Variants in CAMSAP1 observed in about 807,000 individuals in gnomAD.
The protein encoded by CAMSAP1 is calmodulin-regulated spectrin-associated protein 1.
CAMSAP1 carries 58 observed loss-of-function variants against 143.5 expected under a neutral mutation model. That is an observed-to-expected ratio of 0.40 (90% CI 0.33 to 0.50). The LOEUF (loss-of-function observed/expected upper bound fraction) is 0.50. Ranked by LOEUF, CAMSAP1 falls within the 20% of genes least tolerant of loss-of-function variation. The pLI, the probability that CAMSAP1 is intolerant of heterozygous loss-of-function variation, is 0.45. For synonymous variants in CAMSAP1, 945 were observed against 859.3 expected, an observed-to-expected ratio of 1.10 and a Z score of -1.74; for missense variants, 1,969 against 2,115.7, an observed-to-expected ratio of 0.93 and a Z score of 1.36.
Position 135,818,124 on chromosome 9 carries a change from C to T in CAMSAP1, c.4169-45G>A, listed in dbSNP as rs1481994123. The T allele has an allele frequency of 6.3e-7, 1 of 1,581,146 alleles. No homozygotes were observed. The highest frequency in any genetic ancestry group is 1.3e-5 in the African/African-American group (1 of 74,502). ...ACGACGGTTCATGAACGGATTCCGA[C>T]AGACAAGTACCTGTCCCCTGTACCT... On this transcript the variant is annotated intron_variant, in intron 13 of 16. Coordinates refer to ENST00000389532, the MANE Select transcript of CAMSAP1 (RefSeq NM_015447.4). The surrounding 1 kb of genome is among the most constrained non-coding windows in gnomAD (Gnocchi z 7.7).
At chr9:135,851,033 G>T (rs1370451669) in intron 5 of CAMSAP1, among the ~76,000 whole-genome samples, 4 of 152,186 alleles carry the variant, frequency 2.6e-5, no homozygotes, top group Non-Finnish European at 4.4e-5. Flanking sequence ...ACTTTCCATT[G>T]CACGTGACTT....
chr9:135,904,166 G>A (rs1028066990), intron 1 of CAMSAP1, among the ~76,000 whole-genome samples: 2 of 152,030 alleles, frequency 1.3e-5, no homozygotes, highest in African/African-American at 2.4e-5. Flanking sequence ...CCAGGAGTTC[G>A]AAACTAGCCT....
At chr9:135,884,992 C>T (rs894388049) in intron 1 of CAMSAP1, among the ~76,000 whole-genome samples, 1 of 152,120 alleles carries the variant, frequency 6.6e-6, no homozygotes, top group Non-Finnish European at 1.5e-5. Context: ...ACACCGGCTG[C>T]GGGGAAAGAT....
At chr9:135,872,456 C>T (rs541806198) in intron 3 of CAMSAP1, among the ~76,000 whole-genome samples, 1 of 152,020 alleles carries the variant, frequency 6.6e-6, no homozygotes, top group Admixed American at 6.5e-5. Flanking sequence ...CAAAATAACC[C>T]TTAAAAGAGG....
chr9:135,877,644 T>TA (rs201018569), intron 3 of CAMSAP1, among the ~76,000 whole-genome samples: 104 of 151,970 alleles, frequency 6.8e-4, no homozygotes, highest in Middle Eastern at 3.4e-3. Context: ...CATCTCTAAT[T>TA]AAAAAAAATT....
chr9:135,876,536 G>T (rs1476323113), intron 3 of CAMSAP1, among the ~76,000 whole-genome samples: 2 of 152,168 alleles, frequency 1.3e-5, no homozygotes, highest in Admixed American at 1.3e-4. Flanking sequence ...AGAAAAGACG[G>T]ACTGTAACAA....
At chr9:135,823,634 A>G (rs1020665465) in intron 10 of CAMSAP1, among the ~76,000 whole-genome samples, 113 of 152,218 alleles carry the variant, frequency 7.4e-4, no homozygotes, top group African/African-American at 2.7e-3. Flanking sequence ...CCAGAACGGA[A>G]GAAGTTCCTA....
intron 7 of CAMSAP1, among the ~76,000 whole-genome samples, chr9:135,846,526 A>C (rs1427968488): frequency 6.6e-6 from 1 of 152,170 alleles, no homozygotes; most frequent in Non-Finnish European, 1.5e-5. Flanking sequence ...CAAAACTGAC[A>C]AATGGATCTA....
At chr9:135,857,983 T>TCA (rs1837038220) in intron 5 of CAMSAP1, among the ~76,000 whole-genome samples, 1 of 152,148 alleles carries the variant, frequency 6.6e-6, no homozygotes, top group Admixed American at 6.5e-5. Context: ...GAGAAAGGCA[T>TCA]CAGAAGCAAA....
chr9:135,812,159 C>T (rs1387574704), intron 16 of CAMSAP1, among the ~76,000 whole-genome samples: 1 of 152,232 alleles, frequency 6.6e-6, no homozygotes, highest in Non-Finnish European at 1.5e-5. Context: ...AATAACAGCA[C>T]TATCCCTTCA....
At chr9:135,873,578 G>A (rs547528280) in intron 3 of CAMSAP1, among the ~76,000 whole-genome samples, 252 of 152,078 alleles carry the variant, frequency 1.7e-3, no homozygotes, top group Middle Eastern at 3.4e-3. Flanking sequence ...GCCAACCTCA[G>A]GAAACAAACA....
At chr9:135,844,499 G>C (rs1836479644) in intron 7 of CAMSAP1, among the ~76,000 whole-genome samples, 1 of 152,166 alleles carries the variant, frequency 6.6e-6, no homozygotes, top group Admixed American at 6.5e-5. Flanking sequence ...ACAGAAAGCT[G>C]GAAAGATCTG....
chr9:135,887,742 G>A (rs538359411), intron 1 of CAMSAP1, among the ~76,000 whole-genome samples: 3 of 152,316 alleles, frequency 2.0e-5, no homozygotes, highest in Admixed American at 6.5e-5. Flanking sequence ...TGGAGGAAGT[G>A]GGGAGAAGTG....
intron 7 of CAMSAP1, among the ~76,000 whole-genome samples, chr9:135,844,048 G>C (rs767577128): frequency 2.6e-5 from 4 of 151,950 alleles, no homozygotes; most frequent in Non-Finnish European, 5.9e-5. Flanking sequence ...GACAGATCGG[G>C]ACAGAAAATT....
At chr9:135,855,887 C>G (rs889719289) in intron 5 of CAMSAP1, among the ~76,000 whole-genome samples, 3 of 151,652 alleles carry the variant, frequency 2.0e-5, no homozygotes, top group Non-Finnish European at 4.4e-5. Flanking sequence ...CCTGTCTCTA[C>G]TAAAAATACA....
chr9:135,901,376 T>C (rs1387357845), intron 1 of CAMSAP1, among the ~76,000 whole-genome samples: 1 of 152,104 alleles, frequency 6.6e-6, no homozygotes, highest in Non-Finnish European at 1.5e-5. Flanking sequence ...CCAAGGTGGG[T>C]AGGAGCACTG....
At chr9:135,850,766 G>A (rs909251290) in intron 5 of CAMSAP1, among the ~76,000 whole-genome samples, 1 of 152,188 alleles carries the variant, frequency 6.6e-6, no homozygotes, top group Non-Finnish European at 1.5e-5. Flanking sequence ...TCACTTTACA[G>A]CAGAGCCATG....
intron 5 of CAMSAP1, among the ~76,000 whole-genome samples, chr9:135,859,129 T>A (rs750452717): frequency 1.4e-4 from 22 of 152,208 alleles, no homozygotes; most frequent in Non-Finnish European, 3.2e-4. Context: ...AGTTGGTGAG[T>A]TCTCACTTTA....
intron 5 of CAMSAP1, 38 bp from the exon 6 acceptor site, chr9:135,850,499 G>A (rs1836736835): frequency 6.7e-7 from 1 of 1,503,278 alleles, no homozygotes; most frequent in Admixed American, 2.3e-5. Context: ...TATTGTAAAG[G>A]TATTCTGCTT....
Sources: gnomAD v4.1 joint callset for allele counts (sites outside exome capture counted in the v4.1 genomes callset) on GRCh38, gnomAD v4.1.1 for gene constraint, Gnocchi (gnomAD v3.1) non-coding constraint, MANE v1.5 for transcripts, NCBI Gene and HGNC (gene_info 2026-07-23, HGNC 2026-07-21) for gene names.